The following CHRM3 variants were observed in gnomAD, a reference collection of about 807,000 sequenced individuals.
The protein encoded by CHRM3 is cholinergic receptor muscarinic 3.
CHRM3 carries 11 observed loss-of-function variants against 41.8 expected under a neutral mutation model. The observed-to-expected ratio is 0.26, with a 90% CI of 0.17 to 0.44. CHRM3 has a LOEUF of 0.44. Ranked by LOEUF, CHRM3 falls within the 20% of genes least tolerant of loss-of-function variation. The pLI, the probability that CHRM3 is intolerant of heterozygous loss-of-function variation, is 1.00. For missense variants in CHRM3, 571 were observed against 745.4 expected, an observed-to-expected ratio of 0.77 and a Z score of 2.72; for synonymous variants, 297 against 301.4, an observed-to-expected ratio of 0.99 and a Z score of 0.15.
At chr1:239,522,634 G>GT (rs1558287167) in intron 2 of CHRM3, among the ~76,000 whole-genome samples, 1 of 152,166 alleles carries the variant, frequency 6.6e-6, no homozygotes, top group Non-Finnish European at 1.5e-5. Flanking sequence ...TTTTGTGCAT[G>GT]TGGAGAAATG....
intron 5 of CHRM3, among the ~76,000 whole-genome samples, chr1:239,772,068 T>TAC (rs1446776278): frequency 6.6e-6 from 1 of 152,224 alleles, no homozygotes; most frequent in African/African-American, 2.4e-5. Flanking sequence ...CAGAGGAATA[T>TAC]ACAACAATTG....
chr1:239,567,114 A>C (rs76296861), intron 3 of CHRM3, among the ~76,000 whole-genome samples: 1 of 152,144 alleles, frequency 6.6e-6, no homozygotes, highest in Non-Finnish European at 1.5e-5. Context: ...CAATTACCCT[A>C]TTGAAAATGT....
intron 1 of CHRM3, among the ~76,000 whole-genome samples, chr1:239,412,992 T>C (rs1399812693): frequency 3.3e-5 from 5 of 151,596 alleles, no homozygotes; most frequent in Admixed American, 2.6e-4. Flanking sequence ...GCAAGAGAAT[T>C]GCTTGAACCC....
Position 239,908,992 on chromosome 1 carries a change from A to G in CHRM3, c.1541A>G (p.Asn514Ser). 3 of 1,614,148 alleles carry G rather than the reference A, an allele frequency of 1.9e-6. No individual in the cohort carries two copies. Among genetic ancestry groups the G allele is most frequent in the Non-Finnish European group, 1.7e-6 (2 of 1,180,026 alleles). Residue 514 changes from asparagine (N) to serine (S), a missense_variant, in exon 7 of 7, where the codon AAC (asparagine) becomes AGC (serine). Coordinates refer to ENST00000676153, the MANE Select transcript of CHRM3 (RefSeq NM_001375978.1). This position sits in a 1 kb window ranked among gnomAD's most constrained non-coding sequence, Gnocchi z 7.2. ...WTPYNIMVLV[N>S]TFCDSCIPKT... is the part of the protein sequence containing the mutation. ...CCATACAACATCATGGTTCTGGTGA[A>G]CACCTTTTGTGACAGCTGCATACCC...
chr1:239,855,295 T>C (rs1675016340), intron 6 of CHRM3, among the ~76,000 whole-genome samples: 1 of 152,248 alleles, frequency 6.6e-6, no homozygotes, highest in African/African-American at 2.4e-5. Context: ...ATAGAGAGGG[T>C]TTCAGGTTTC....
chr1:239,723,051 A>G (rs150831250), intron 5 of CHRM3, among the ~76,000 whole-genome samples: 1 of 151,928 alleles, frequency 6.6e-6, no homozygotes, highest in Non-Finnish European at 1.5e-5. Flanking sequence ...GAATTTTCTC[A>G]GTATCCTCTG....
intron 1 of CHRM3, among the ~76,000 whole-genome samples, chr1:239,488,814 A>G (rs932307560): frequency 6.6e-6 from 1 of 151,664 alleles, no homozygotes; most frequent in Non-Finnish European, 1.5e-5. Flanking sequence ...TGTAAAGGGA[A>G]GAAAGTACAG....
At chr1:239,831,694 G>A (rs527349560) in intron 6 of CHRM3, among the ~76,000 whole-genome samples, 5 of 152,286 alleles carry the variant, frequency 3.3e-5, no homozygotes, top group African/African-American at 9.6e-5. Flanking sequence ...CAGAAGTTCA[G>A]TTGCACATGT....
chr1:239,760,976 C>T (rs536437205), intron 5 of CHRM3, among the ~76,000 whole-genome samples: 1 of 67,260 alleles, frequency 1.5e-5, no homozygotes, highest in Admixed American at 1.8e-4. Flanking sequence ...TTCCTCTCCC[C>T]TCGCCCAAAC....
chr1:239,510,979 A>G (rs2148197394), intron 2 of CHRM3, among the ~76,000 whole-genome samples: 1 of 152,344 alleles, frequency 6.6e-6, no homozygotes, highest in African/African-American at 2.4e-5. Flanking sequence ...AAATGAGACT[A>G]CAGCAACGAC....
At chr1:239,717,313 A>C (rs1461024703) in intron 5 of CHRM3, among the ~76,000 whole-genome samples, 1 of 152,144 alleles carries the variant, frequency 6.6e-6, no homozygotes, top group East Asian at 1.9e-4. Flanking sequence ...CATAGAATAG[A>C]TCCTGTTGAT....
At chr1:239,887,893 A>G (rs1207514964) in intron 6 of CHRM3, among the ~76,000 whole-genome samples, 1 of 152,200 alleles carries the variant, frequency 6.6e-6, no homozygotes, top group Non-Finnish European at 1.5e-5. Flanking sequence ...GTTAAAGGAA[A>G]CACAGCAAAA....
At chr1:239,877,729 AT>A (rs111352846) in intron 6 of CHRM3, among the ~76,000 whole-genome samples, 6,060 of 149,390 alleles carry the variant, frequency 0.041, 360 homozygotes, top group African/African-American at 0.13. Flanking sequence ...AAATATTCAG[AT>A]TTTTTTTTTC....
At chr1:239,470,310 GA>G (rs2147935746) in intron 1 of CHRM3, among the ~76,000 whole-genome samples, 2 of 152,254 alleles carry the variant, frequency 1.3e-5, no homozygotes, top group South Asian at 4.1e-4. Context: ...GAGAACTCCA[GA>G]AGAAACCACT....
intron 5 of CHRM3, among the ~76,000 whole-genome samples, chr1:239,718,634 A>T (rs552859823): frequency 1.3e-5 from 2 of 151,926 alleles, no homozygotes; most frequent in Admixed American, 6.6e-5. Flanking sequence ...CTACTTGCAT[A>T]GTTCTAAGGA....
intron 1 of CHRM3, among the ~76,000 whole-genome samples, chr1:239,392,523 G>T (rs1470132105): frequency 6.6e-6 from 1 of 152,128 alleles, no homozygotes; most frequent in African/African-American, 2.4e-5. Flanking sequence ...TAGACATCCT[G>T]GTTCAGGCAG....
chr1:239,413,382 C>T (rs951990059), intron 1 of CHRM3, among the ~76,000 whole-genome samples: 6 of 152,074 alleles, frequency 3.9e-5, no homozygotes, highest in South Asian at 2.1e-4. Flanking sequence ...CTCTGCCTCC[C>T]GGATTCATGA....
chr1:239,749,530 TG>T, intron 5 of CHRM3, among the ~76,000 whole-genome samples: 1 of 152,110 alleles, frequency 6.6e-6, no homozygotes, highest in Admixed American at 6.5e-5. Flanking sequence ...TAGCTAGGTG[TG>T]GTAGCACGTG....
At chr1:239,646,894 G>A (rs764885227) in intron 4 of CHRM3, among the ~76,000 whole-genome samples, 1 of 152,152 alleles carries the variant, frequency 6.6e-6, no homozygotes. Context: ...GTGGGGAAAT[G>A]CATAGATAGG....
Sources: allele counts gnomAD v4.1 joint callset (sites outside exome capture counted in the v4.1 genomes callset), GRCh38; gene constraint gnomAD v4.1.1; non-coding constraint Gnocchi (gnomAD v3.1); transcripts MANE v1.5; gene names NCBI Gene and HGNC (gene_info 2026-07-23, HGNC 2026-07-21).